CADM1: variants seen among roughly 807,000 people sequenced by gnomAD.
The protein encoded by CADM1 is cell adhesion molecule 1.
A neutral mutation model predicts 53.1 loss-of-function variants in CADM1; 15 were observed. The ratio of observed to expected loss-of-function variants is 0.28; its 90% CI spans 0.19 to 0.44. The LOEUF is 0.44. Among genes scored for constraint, CADM1 ranks in the 20% least tolerant of loss-of-function variants. CADM1 has a pLI of 1.00. For missense variants in CADM1, 434 were observed against 611.3 expected, an observed-to-expected ratio of 0.71 and a Z score of 3.06; for synonymous variants, 281 against 243.0, an observed-to-expected ratio of 1.16 and a Z score of -1.45.
At chr11:115,392,949 C>T (rs1299224907) in intron 1 of CADM1, among the ~76,000 whole-genome samples, 2 of 151,508 alleles carry the variant, frequency 1.3e-5, no homozygotes, top group Non-Finnish European at 2.9e-5. Context: ...GGCTGAGGCT[C>T]CTGGGCCCAG....
At chr11:115,362,239 A>G (rs1461711357) in intron 1 of CADM1, among the ~76,000 whole-genome samples, 2 of 152,170 alleles carry the variant, frequency 1.3e-5, no homozygotes, top group African/African-American at 2.4e-5. Flanking sequence ...CCTAAGAAGC[A>G]CTTAGTATAA....
chr11:115,313,838 C>T (rs1944591251), intron 1 of CADM1, among the ~76,000 whole-genome samples: 1 of 152,088 alleles, frequency 6.6e-6, no homozygotes, highest in African/African-American at 2.4e-5. Flanking sequence ...GAGTGACATG[C>T]AAAAGGTGGC....
rs540642441 is a variant in CADM1 at position 115,280,348 on chromosome 11, C to A, written c.125-39928G>T. 1.2e-3 allele frequency among the ~76,000 whole-genome samples: 181 copies of A among 152,254 alleles called. 1 individual carries two copies. The highest frequency in any genetic ancestry group is 4.1e-3 in the African/African-American group (171 of 41,554). On this transcript the variant is annotated intron_variant, in intron 1 of 11. Transcript: ENST00000331581. ...TAAACATGGCCACAAAATGGAATGCCTTTTTCACTCAAATGGAATCTGAGC... is the reference window on the plus strand; with the variant it reads ...TAAACATGGCCACAAAATGGAATGCATTTTTCACTCAAATGGAATCTGAGC...
intron 7 of CADM1, among the ~76,000 whole-genome samples, chr11:115,212,782 T>C (rs1249306057): frequency 2.0e-5 from 3 of 152,214 alleles, no homozygotes; most frequent in Non-Finnish European, 4.4e-5. Flanking sequence ...CTTTCTGAAC[T>C]TCAGTTTATC....
rs149799978 is a variant in CADM1, at chr11:115,306,592, G to A, written c.125-66172C>T. ...GGATAACATTTATCTAGTACTGAAC[G>A]TGGTATAAGAGAAAGGCCTTGTTTT... On this transcript the variant is annotated intron_variant, in intron 1 of 11. Coordinates refer to ENST00000331581, the MANE Select transcript of CADM1 (RefSeq NM_001301043.2). Among the ~76,000 whole-genome samples the A allele has an allele frequency of 5.7e-3, 865 of 152,066 alleles. 7 individuals are homozygous for A. Among genetic ancestry groups the A allele is most frequent in the Non-Finnish European group, 0.011 (722 of 67,914 alleles).
At chr11:115,461,650 G>T (rs117152251) in intron 1 of CADM1, among the ~76,000 whole-genome samples, 1 of 152,204 alleles carries the variant, frequency 6.6e-6, no homozygotes, top group Non-Finnish European at 1.5e-5. Flanking sequence ...AAAGGAAAAA[G>T]AAATGAATAT....
At chr11:115,353,922 A>G (rs1017702176) in intron 1 of CADM1, among the ~76,000 whole-genome samples, 1 of 152,170 alleles carries the variant, frequency 6.6e-6, no homozygotes, top group African/African-American at 2.4e-5. Context: ...ATGGCACAAG[A>G]TAAGGCTAAA....
At chr11:115,188,717 G>A (rs907123083) in intron 10 of CADM1, among the ~76,000 whole-genome samples, 3 of 152,188 alleles carry the variant, frequency 2.0e-5, no homozygotes, top group African/African-American at 4.8e-5. Flanking sequence ...TAAGACGGGT[G>A]TTAACCGGTT....
intron 1 of CADM1, among the ~76,000 whole-genome samples, chr11:115,268,856 AG>A (rs1377065124): frequency 6.6e-6 from 1 of 152,112 alleles, no homozygotes; most frequent in African/African-American, 2.4e-5. Flanking sequence ...TGACTTGGCA[AG>A]TCAAACTGCC....
At position 115,378,811 on chromosome 11, in the gene CADM1, A is replaced by G. The variant is rs1415830510; in HGVS notation, c.124+125460T>C. Among the ~76,000 whole-genome samples, 7 of 152,272 alleles carry G rather than the reference A, an allele frequency of 4.6e-5. No individual in the cohort carries two copies. The East Asian group carries it at 1.3e-3, about 29-fold the overall frequency. ...TCACACTACAACAGCAGAGCTGAGT[A>G]GTTGTGAAAGAGACCGTATGGCCCA... On this transcript the variant is annotated intron_variant, in intron 1 of 11. Coordinates refer to ENST00000331581, the MANE Select transcript of CADM1 (RefSeq NM_001301043.2).
intron 1 of CADM1, chr11:115,340,407 T>C (rs181096953): frequency 5.2e-4 from 79 of 151,362 alleles, no homozygotes; most frequent in African/African-American, 1.8e-3. Flanking sequence ...GGATGTGTCT[T>C]TCTAGGAACA....
At chr11:115,389,122 T>C (rs576301350) in intron 1 of CADM1, among the ~76,000 whole-genome samples, 2 of 151,860 alleles carry the variant, frequency 1.3e-5, no homozygotes, top group South Asian at 2.1e-4. Context: ...GGGAAAAAGA[T>C]AAAGAAGGAA....
chr11:115,231,429 A>T lies in CADM1; in HGVS notation c.486T>A (p.Ile162=). The part of the protein sequence containing the change: ...QKDTAVEGEE[I]EVNCTAMASK... The stretch of plus-strand genomic sequence containing the variant: ...TGGCCATAGCAGTGCAGTTGACTTC[A>T]ATCTCCTCACCTTCCACCGCAGTGT... Residue 162 remains isoleucine, a synonymous_variant, in exon 4 of 12, where the codon ATT becomes ATA. Transcript: ENST00000331581. 6.2e-7 allele frequency: 1 copy of T among 1,614,054 alleles called. No individual in the cohort carries two copies. Among genetic ancestry groups the T allele is most frequent in the Non-Finnish European group, 8.5e-7 (1 of 1,179,928 alleles).
At chr11:115,420,497 C>G (rs990325421) in intron 1 of CADM1, among the ~76,000 whole-genome samples, 2 of 152,182 alleles carry the variant, frequency 1.3e-5, no homozygotes, top group East Asian at 1.9e-4. Flanking sequence ...CTGCCACCAT[C>G]CTGCTGTTTC....
intron 1 of CADM1, among the ~76,000 whole-genome samples, chr11:115,456,078 G>A (rs1373497901): frequency 1.3e-5 from 2 of 152,072 alleles, no homozygotes; most frequent in Non-Finnish European, 2.9e-5. Flanking sequence ...GATGGTAAAG[G>A]AGCCATAATC....
intron 1 of CADM1, among the ~76,000 whole-genome samples, chr11:115,418,961 A>G (rs1330640292): frequency 6.6e-6 from 1 of 152,210 alleles, no homozygotes; most frequent in East Asian, 1.9e-4. Context: ...ATTACAGAAG[A>G]AAGGAAAAGG....
chr11:115,286,446 C>A (rs1211752100), intron 1 of CADM1, among the ~76,000 whole-genome samples: 2 of 152,142 alleles, frequency 1.3e-5, no homozygotes, highest in African/African-American at 2.4e-5. Flanking sequence ...AGCTTATATA[C>A]AAAACTGATT....
At chr11:115,440,823 C>T (rs965908255) in intron 1 of CADM1, among the ~76,000 whole-genome samples, 9 of 152,138 alleles carry the variant, frequency 5.9e-5, no homozygotes, top group South Asian at 2.1e-4. Context: ...CCATTGCCCA[C>T]GCTAGCGTAC....
chr11:115,292,298 G>T (rs774682340), intron 1 of CADM1, among the ~76,000 whole-genome samples: 35 of 152,138 alleles, frequency 2.3e-4, no homozygotes, highest in Non-Finnish European at 4.1e-4. Flanking sequence ...ATTGTCAGAA[G>T]AAATTATTTT....
Sources: gnomAD v4.1 joint callset for allele counts (sites outside exome capture counted in the v4.1 genomes callset) on GRCh38, gnomAD v4.1.1 for gene constraint, MANE v1.5 for transcripts, NCBI Gene and HGNC (gene_info 2026-07-23, HGNC 2026-07-21) for gene names.